Variants in SMOC1 observed in about 807,000 individuals in gnomAD.
SMOC1 encodes SPARC related modular calcium binding 1.
Under a neutral mutation model 56.3 loss-of-function variants are expected in SMOC1, and 22 were observed. That is an observed-to-expected ratio of 0.39 (90% CI 0.28 to 0.56). SMOC1 has a LOEUF of 0.56. Among genes scored for constraint, SMOC1 ranks in the 20% least tolerant of loss-of-function variants. SMOC1 has a pLI of 0.61. For synonymous variants in SMOC1, 193 were observed against 215.0 expected (o/e 0.90, Z 0.89); for missense variants, 509 against 565.4 (o/e 0.90, Z 1.01).
chr14:70,005,727 C>G (rs920582121), intron 7 of SMOC1, among the ~76,000 whole-genome samples: 2 of 152,174 alleles, frequency 1.3e-5, no homozygotes, highest in Non-Finnish European at 2.9e-5. Flanking sequence ...ACTCTCACTT[C>G]TTCTCTGCAC....
At chr14:69,991,750 T>C (rs1458246147) in intron 5 of SMOC1, among the ~76,000 whole-genome samples, 1 of 152,216 alleles carries the variant, frequency 6.6e-6, no homozygotes, top group East Asian at 1.9e-4. Flanking sequence ...CCATTTTGCT[T>C]GCCCTCCCTC....
chr14:69,986,495 A>G (rs1337006691), intron 5 of SMOC1, among the ~76,000 whole-genome samples: 1 of 152,248 alleles, frequency 6.6e-6, no homozygotes, highest in African/African-American at 2.4e-5. Context: ...AGATAATTAA[A>G]GAGCTTACCC....
chr14:70,026,610 C>T (rs1458752020), intron 11 of SMOC1, among the ~76,000 whole-genome samples: 1 of 152,208 alleles, frequency 6.6e-6, no homozygotes, highest in East Asian at 1.9e-4. Flanking sequence ...CCCACAGAGG[C>T]CCCTAGGGTG....
At chr14:69,981,000 T>A (rs568037766) in intron 5 of SMOC1, among the ~76,000 whole-genome samples, 4 of 152,160 alleles carry the variant, frequency 2.6e-5, no homozygotes, top group Non-Finnish European at 5.9e-5. Flanking sequence ...AAAAGATGTA[T>A]TGTGTGACCA....
At position 69,992,472 on chromosome 14, in the gene SMOC1, T is replaced by C. The variant is rs777091268; in HGVS notation, c.582T>C (p.Asp194=). The C allele has an allele frequency of 1.2e-6, 2 of 1,612,348 alleles. No homozygotes were observed. The highest frequency in any genetic ancestry group is 1.1e-5 in the South Asian group (1 of 91,050). ...AGACCCAGCCGGTGTTCGATGGAGA[T>C]GGTAAGATCTTGCATTACTTCTGAT... The part of the protein sequence containing the change: ...TMETQPVFDG[D]EITAPTLWIK... Residue 194 remains aspartate (D), a splice_region_variant and synonymous_variant, in exon 6 of 12, where the codon GAT becomes GAC. Coordinates refer to ENST00000361956, the MANE Select transcript of SMOC1 (RefSeq NM_001034852.3).
chr14:69,946,378 G>A (rs1200452870), intron 1 of SMOC1, among the ~76,000 whole-genome samples: 1 of 152,214 alleles, frequency 6.6e-6, no homozygotes, highest in African/African-American at 2.4e-5. Flanking sequence ...AACACAGAGT[G>A]TTTGGAGTCA....
intron 1 of SMOC1, among the ~76,000 whole-genome samples, chr14:69,946,711 A>T (rs1320104824): frequency 6.6e-6 from 1 of 152,126 alleles, no homozygotes; most frequent in East Asian, 1.9e-4. Flanking sequence ...TAAATAGTGA[A>T]CTGATTTTCT....
chr14:70,017,158 T>G (rs1020693317), intron 10 of SMOC1, among the ~76,000 whole-genome samples: 2 of 152,160 alleles, frequency 1.3e-5, no homozygotes, highest in Non-Finnish European at 1.5e-5. Context: ...CGATAAGACC[T>G]CTTTCTGGCA....
At chr14:69,921,990 A>G (rs1419631097) in intron 1 of SMOC1, among the ~76,000 whole-genome samples, 4 of 151,512 alleles carry the variant, frequency 2.6e-5, no homozygotes, top group African/African-American at 9.7e-5. Flanking sequence ...TGCCTGCCCA[A>G]CCTCCTCCCT....
chr14:70,016,763 G>C (rs572938862), intron 10 of SMOC1, among the ~76,000 whole-genome samples: 1 of 152,156 alleles, frequency 6.6e-6, no homozygotes, highest in Admixed American at 6.5e-5. Context: ...GCTCTTGCCT[G>C]TTCCAGGACC....
intron 11 of SMOC1, among the ~76,000 whole-genome samples, chr14:70,024,434 G>A (rs186664795): frequency 1.3e-5 from 2 of 152,254 alleles, no homozygotes; most frequent in Admixed American, 6.5e-5. Context: ...GTAAAGAGCT[G>A]TAAGTTTTTT....
intron 1 of SMOC1, among the ~76,000 whole-genome samples, chr14:69,889,218 G>A (rs553649976): frequency 6.6e-6 from 1 of 152,236 alleles, no homozygotes; most frequent in African/African-American, 2.4e-5. Context: ...ACCCCCATGT[G>A]CCCTAGACCT....
chr14:70,002,042 C>T (rs1430954612), intron 7 of SMOC1, among the ~76,000 whole-genome samples: 1 of 152,210 alleles, frequency 6.6e-6, no homozygotes, highest in Non-Finnish European at 1.5e-5. Flanking sequence ...AGTATTCCCT[C>T]ATCCCCTACC....
At chr14:69,930,139 C>T (rs567244347) in intron 1 of SMOC1, among the ~76,000 whole-genome samples, 35 of 148,950 alleles carry the variant, frequency 2.3e-4, no homozygotes, top group Non-Finnish European at 4.3e-4. Context: ...CCACCTCTGC[C>T]CTCACCCCTT....
chr14:69,890,757 C>T (rs1467590108), intron 1 of SMOC1, among the ~76,000 whole-genome samples: 2 of 152,142 alleles, frequency 1.3e-5, no homozygotes, highest in Admixed American at 1.3e-4. Context: ...CTCAGCAGGA[C>T]ATAACTGTAA....
chr14:69,944,500 G>A (rs1882708805), intron 1 of SMOC1, among the ~76,000 whole-genome samples: 2 of 152,184 alleles, frequency 1.3e-5, no homozygotes, highest in African/African-American at 2.4e-5. Flanking sequence ...ACATTTGCAG[G>A]TGGAGAAAAC....
intron 5 of SMOC1, among the ~76,000 whole-genome samples, chr14:69,992,104 C>T (rs17175074): frequency 0.099 from 15,106 of 152,138 alleles, 936 homozygotes; most frequent in Non-Finnish European, 0.13. Context: ...CCTGCGGGAA[C>T]AAGGGCCAGC....
chr14:69,889,883 G>A (rs1303623919), intron 1 of SMOC1, among the ~76,000 whole-genome samples: 2 of 152,116 alleles, frequency 1.3e-5, no homozygotes, highest in Non-Finnish European at 2.9e-5. Context: ...TGCTGCCAGG[G>A]TCTCTCTGGT....
chr14:69,955,860 T>A (rs927710480), intron 3 of SMOC1, among the ~76,000 whole-genome samples: 5 of 152,210 alleles, frequency 3.3e-5, no homozygotes, highest in Non-Finnish European at 7.3e-5. Flanking sequence ...GAATCAGACT[T>A]CTCTCAGATT....
Sources: gnomAD v4.1 joint callset for allele counts (sites outside exome capture counted in the v4.1 genomes callset) on GRCh38, gnomAD v4.1.1 for gene constraint, MANE v1.5 for transcripts, NCBI Gene and HGNC (gene_info 2026-07-23, HGNC 2026-07-21) for gene names.